Variants in GLT1D1 observed in about 807,000 individuals in gnomAD.
GLT1D1 encodes glycosyltransferase 1 domain-containing protein 1.
In GLT1D1, 21 loss-of-function variants were observed where a neutral mutation model predicts 28.7. That is an observed-to-expected ratio of 0.73 (90% CI 0.52 to 1.05). GLT1D1 has a LOEUF of 1.05. Among genes scored for constraint, GLT1D1 ranks in the 50% least tolerant of loss-of-function variants. The pLI, the probability that GLT1D1 is intolerant of heterozygous loss-of-function variation, is 0.00. For synonymous variants in GLT1D1, 147 were observed against 124.8 expected (o/e 1.18, Z -1.19); for missense variants, 343 against 330.6 (o/e 1.04, Z -0.29).
chr12:128,855,151 T>A (rs2628597), intron 1 of GLT1D1, among the ~76,000 whole-genome samples: 9 of 147,394 alleles, frequency 6.1e-5, no homozygotes, highest in Non-Finnish European at 1.2e-4. Flanking sequence ...GGGAGGCAGC[T>A]GTTGCAGTGA....
intron 1 of GLT1D1, among the ~76,000 whole-genome samples, chr12:128,856,991 T>C (rs892198750): frequency 6.6e-6 from 1 of 151,918 alleles, no homozygotes; most frequent in African/African-American, 2.4e-5. Context: ...TCAAAAACAA[T>C]GTTGAGTGAC....
intron 1 of GLT1D1, among the ~76,000 whole-genome samples, chr12:128,863,945 CAAA>C (rs35052910): frequency 0.15 from 8,108 of 55,196 alleles, 141 homozygotes; most frequent in South Asian, 0.26. Context: ...GACTCCATCT[CAAA>C]AAAAAAAAAA....
intron 7 of GLT1D1, among the ~76,000 whole-genome samples, chr12:128,979,899 T>C (rs1593222674): frequency 6.6e-6 from 1 of 152,196 alleles, no homozygotes; most frequent in Admixed American, 6.5e-5. Context: ...TACAGTACGG[T>C]TTTGCATATC....
At position 128,926,180 on chromosome 12, in the gene GLT1D1, C is replaced by G. The variant is rs995610357; in HGVS notation, c.376-19146C>G. On this transcript the variant is annotated intron_variant, in intron 4 of 7. Coordinates refer to ENST00000281703, the MANE Select transcript of GLT1D1 (RefSeq NM_144669.3). ...ACTGCACTCAGCCTGGACAACAGAG[C>G]AAGACTCTGTCTCAATAATAATAAT... Among the ~76,000 whole-genome samples the G allele has an allele frequency of 2.2e-4, 32 of 145,990 alleles. No individual in the cohort carries two copies. The South Asian group carries it at 6.2e-3, about 28-fold the overall frequency.
chr12:128,908,286 T>G (rs373914139), intron 4 of GLT1D1, among the ~76,000 whole-genome samples: 1 of 151,804 alleles, frequency 6.6e-6, no homozygotes. Context: ...TTTCAACATT[T>G]CTTTCTCATC....
In GLT1D1 at chr12:128,945,309, T is replaced by C; in HGVS notation, c.376-17T>C. 1 of 1,613,928 alleles carries C rather than the reference T, an allele frequency of 6.2e-7. No homozygotes were observed. The highest frequency in any genetic ancestry group is 8.5e-7 in the Non-Finnish European group (1 of 1,179,762). On this transcript the variant is annotated splice_polypyrimidine_tract_variant and intron_variant, in intron 4 of 7. Transcript: ENST00000281703. ...AGCAGGCGGCGACCGCTGACATTTA[T>C]CTTTGTCTCTTTTCAGGTCGATCCA...
chr12:128,894,053 A>G (rs1383030142), intron 3 of GLT1D1, among the ~76,000 whole-genome samples: 1 of 151,924 alleles, frequency 6.6e-6, no homozygotes. Context: ...GTTTCCTTGC[A>G]CCTCTTGTTA....
intron 7 of GLT1D1, among the ~76,000 whole-genome samples, chr12:128,958,586 C>CAA (rs1164628353): frequency 0.21 from 15,761 of 74,358 alleles, 1,866 homozygotes; most frequent in African/African-American, 0.24. Flanking sequence ...ATTAAAAAGA[C>CAA]AAAAAAAAAA....
chr12:128,891,304 T>C (rs1462291793), intron 3 of GLT1D1, among the ~76,000 whole-genome samples: 1 of 152,116 alleles, frequency 6.6e-6, no homozygotes, highest in African/African-American at 2.4e-5. Flanking sequence ...TCCTCGGGGT[T>C]TGGCTGGACA....
chr12:128,874,111 TCTCTCTCTC>T (rs1956794093), intron 1 of GLT1D1, among the ~76,000 whole-genome samples: 1 of 63,380 alleles, frequency 1.6e-5, no homozygotes, highest in Admixed American at 2.0e-4. Context: ...TCTCTCTCTC[TCTCTCTCTC>T]TCTCTCTTTC....
At chr12:128,942,843 C>T (rs545776954) in intron 4 of GLT1D1, among the ~76,000 whole-genome samples, 5 of 151,454 alleles carry the variant, frequency 3.3e-5, no homozygotes, top group South Asian at 2.1e-4. Context: ...ATCCACCTTC[C>T]GGGTTCAAGT....
At chr12:128,957,405 C>G in intron 6 of GLT1D1, 140 bp from the exon 11 acceptor site, 1 of 589,828 alleles carries the variant, frequency 1.7e-6, no homozygotes, top group East Asian at 2.9e-5. Context: ...ATTGGGATAT[C>G]GTTTTGGAAA....
intron 4 of GLT1D1, among the ~76,000 whole-genome samples, chr12:128,926,112 C>T (rs1255622663): frequency 1.3e-5 from 2 of 151,584 alleles, no homozygotes; most frequent in African/African-American, 4.8e-5. Context: ...ATTGCTTGAA[C>T]CCAGGAGGAG....
chr12:128,925,846 C>T (rs969369696), intron 4 of GLT1D1, among the ~76,000 whole-genome samples: 5 of 151,714 alleles, frequency 3.3e-5, no homozygotes, highest in Non-Finnish European at 4.4e-5. Flanking sequence ...AGCTCAGCTC[C>T]ATTTTTTCCC....
intron 7 of GLT1D1, among the ~76,000 whole-genome samples, chr12:128,982,200 C>CCCT (rs1287325411): frequency 6.6e-6 from 1 of 152,012 alleles, no homozygotes; most frequent in Non-Finnish European, 1.5e-5. Context: ...CTGATAAACC[C>CCCT]CCCTCCCTCC....
intron 4 of GLT1D1, among the ~76,000 whole-genome samples, chr12:128,936,297 G>T (rs1052314970): frequency 6.6e-6 from 1 of 151,824 alleles, no homozygotes; most frequent in African/African-American, 2.4e-5. Context: ...TGGGACTACA[G>T]GCACCCGCCA....
intron 4 of GLT1D1, among the ~76,000 whole-genome samples, chr12:128,921,310 G>C (rs10847717): frequency 6.6e-6 from 1 of 151,760 alleles, no homozygotes; most frequent in African/African-American, 2.4e-5. Flanking sequence ...GAAGATGAGG[G>C]GAGAGGAAAG....
At chr12:128,919,526 A>G (rs1872440230) in intron 4 of GLT1D1, among the ~76,000 whole-genome samples, 1 of 152,240 alleles carries the variant, frequency 6.6e-6, no homozygotes, top group Admixed American at 6.5e-5. Context: ...CAGCTAAAGA[A>G]TGAGTAAGTC....
rs565041836 is a variant in GLT1D1, at chr12:128,899,306, T to G, written c.375+19T>G. 119 of 1,407,146 alleles carry G rather than the reference T, an allele frequency of 8.5e-5. No homozygotes were observed. The highest frequency in any genetic ancestry group is 7.1e-4 in the African/African-American group (50 of 70,866). The allele number at this position is 1,407,146 out of a possible 1,614,324, so 87.2% of individuals were successfully genotyped here. ...GCAGTGGGTATGTGTTTATCTGGTGTTGTTATTTTGGTTGTGCTGATGAAA... is the reference window on the plus strand; with the variant it reads ...GCAGTGGGTATGTGTTTATCTGGTGGTGTTATTTTGGTTGTGCTGATGAAA... On this transcript the variant is annotated intron_variant, in intron 4 of 7. Transcript: ENST00000281703.
Sources: allele counts gnomAD v4.1 joint callset (sites outside exome capture counted in the v4.1 genomes callset), GRCh38; gene constraint gnomAD v4.1.1; transcripts MANE v1.5; gene names NCBI Gene and HGNC (gene_info 2026-07-23, HGNC 2026-07-21).